Variants in SFSWAP observed in about 807,000 individuals in gnomAD.
The protein encoded by SFSWAP is splicing factor, suppressor of white-apricot homolog.
In SFSWAP, 17 loss-of-function variants were observed where a neutral mutation model predicts 100.7. The observed-to-expected ratio is 0.17, with a 90% CI of 0.12 to 0.25. The LOEUF (loss-of-function observed/expected upper bound fraction) is 0.25, where lower values mean the gene tolerates loss of function less well. Ranked by LOEUF, SFSWAP falls within the 10% of genes least tolerant of loss-of-function variation. The probability of loss-of-function intolerance (pLI) is 1.00; values close to 1 mark genes in which losing one functional copy is unlikely to be tolerated. For missense variants in SFSWAP, 1,005 were observed against 1,262.6 expected, an observed-to-expected ratio of 0.80 and a Z score of 3.09; for synonymous variants, 504 against 510.1, an observed-to-expected ratio of 0.99 and a Z score of 0.16.
intron 7 of SFSWAP, among the ~76,000 whole-genome samples, chr12:131,735,927 C>T (rs1029884187): frequency 6.6e-6 from 1 of 152,202 alleles, no homozygotes; most frequent in Non-Finnish European, 1.5e-5. Flanking sequence ...TCATCAAACA[C>T]ATAATTACAG....
rs1340061495 is a variant in SFSWAP at position 131,754,434 on chromosome 12, G to A, written c.1389G>A (p.Leu463=). The change falls in exon 9 of 18, where the codon CTG becomes CTA. Residue 463 remains leucine, a synonymous_variant. Transcript: ENST00000261674. ...PPDVQPVIDK[L]AEYVARNGLK... ...ACGTCCAGCCCGTGATTGACAAGCTGGCCGAGTATGTCGCCAGGAACGGCC... is the reference window on the plus strand; with the variant it reads ...ACGTCCAGCCCGTGATTGACAAGCTAGCCGAGTATGTCGCCAGGAACGGCC... 5.0e-6 allele frequency: 8 copies of A among 1,603,076 alleles called. No homozygotes were observed. Among genetic ancestry groups the A allele is most frequent in the Non-Finnish European group, 5.1e-6 (6 of 1,176,340 alleles).
Position 131,799,506 on chromosome 12 carries a change from CA to C in SFSWAP, c.*19del. The C allele has an allele frequency of 6.2e-7, 1 of 1,612,344 alleles. No individual in the cohort carries two copies. The highest frequency in any genetic ancestry group is 2.2e-5 in the East Asian group (1 of 44,852). On this transcript the variant is annotated 3_prime_UTR_variant, in exon 18 of 18. Transcript: ENST00000261674. ...CTTCCTGAGACGGGGCCAGCGGAGG[CA>C]GAGCCGGGAGGCTGCGTGGGCTTCT... is the stretch of plus-strand genomic sequence containing the variant.
At chr12:131,727,165 T>C in intron 6 of SFSWAP, 113 bp downstream of exon 6, 1 of 688,542 alleles carries the variant, frequency 1.5e-6, no homozygotes, top group Non-Finnish European at 2.5e-6. Flanking sequence ...TATCTTATTT[T>C]ATCATCATTG....
intron 15 of SFSWAP, chr12:131,796,271 C>T (rs1566065055): frequency 6.6e-6 from 1 of 152,288 alleles, no homozygotes; most frequent in Non-Finnish European, 1.5e-5. Context: ...CATGTTCACT[C>T]TCTTAGGTGT....
intron 5 of SFSWAP, among the ~76,000 whole-genome samples, chr12:131,726,166 G>A (rs1306396932): frequency 6.9e-6 from 1 of 144,902 alleles, no homozygotes; most frequent in African/African-American, 2.5e-5. Context: ...TCATATATAT[G>A]TATATATATA....
At chr12:131,721,655 T>G (rs948297293) in intron 4 of SFSWAP, among the ~76,000 whole-genome samples, 1 of 152,272 alleles carries the variant, frequency 6.6e-6, no homozygotes, top group African/African-American at 2.4e-5. Context: ...TGTGTTGCCT[T>G]AATTCCTATT....
At chr12:131,741,754 T>C (rs947001502) in intron 7 of SFSWAP, among the ~76,000 whole-genome samples, 4 of 152,150 alleles carry the variant, frequency 2.6e-5, no homozygotes, top group Admixed American at 2.6e-4. Flanking sequence ...CATTTGGTTA[T>C]GTTACCTTAT....
chr12:131,755,583 G>A (rs1882081549), intron 10 of SFSWAP, 104 bp downstream of exon 10: 4 of 756,696 alleles, frequency 5.3e-6, no homozygotes. Context: ...AAAGGGCTGG[G>A]TGATTCTTCA....
At chr12:131,772,883 G>A (rs1262339254) in intron 13 of SFSWAP, among the ~76,000 whole-genome samples, 3 of 152,208 alleles carry the variant, frequency 2.0e-5, no homozygotes, top group Admixed American at 6.5e-5. Context: ...AGCTGTGGAA[G>A]TGGCTCTCAG....
At chr12:131,792,093 C>T (rs993591683) in intron 15 of SFSWAP, among the ~76,000 whole-genome samples, 4 of 148,336 alleles carry the variant, frequency 2.7e-5, no homozygotes, top group South Asian at 2.1e-4. Flanking sequence ...ACTGTGTGTG[C>T]GCCCATGTGT....
rs562964746 is a variant in SFSWAP at position 131,727,076 on chromosome 12, T to A, written c.945+24T>A. On this transcript the variant is annotated intron_variant, in intron 6 of 17. Coordinates refer to ENST00000261674, the MANE Select transcript of SFSWAP (RefSeq NM_004592.4). ...AGGTTTTTATCTCATTGTTGAACTATATTTTTATGCCACCACAAAACTTCT... is the reference window on the plus strand; with the variant it reads ...AGGTTTTTATCTCATTGTTGAACTAAATTTTTATGCCACCACAAAACTTCT... The A allele has an allele frequency of 3.0e-6, 4 of 1,345,884 alleles. No individual in the cohort carries two copies. The South Asian group carries it at 4.9e-5, about 16-fold the overall frequency. 83.4% of individuals were successfully genotyped at this position (1,345,884 alleles called of 1,614,324 possible).
At chr12:131,755,282 T>C in intron 9 of SFSWAP, 104 bp from the exon 10 acceptor site, 1 of 778,280 alleles carries the variant, frequency 1.3e-6, no homozygotes, top group South Asian at 1.6e-5. Context: ...GTAACCACCT[T>C]GTGGGATTGT....
At chr12:131,760,501 A>G (rs1319814724) in intron 11 of SFSWAP, among the ~76,000 whole-genome samples, 1 of 152,240 alleles carries the variant, frequency 6.6e-6, no homozygotes, top group African/African-American at 2.4e-5. Flanking sequence ...ACAATGAGAC[A>G]GAGGCTGTGG....
chr12:131,755,141 C>A (rs1205176126), intron 9 of SFSWAP, among the ~76,000 whole-genome samples: 1 of 152,116 alleles, frequency 6.6e-6, no homozygotes, highest in Non-Finnish European at 1.5e-5. Context: ...CAAGCAATGT[C>A]CCACGCCTCA....
chr12:131,786,003 T>G (rs1884863417), intron 14 of SFSWAP: 1 of 154,250 alleles, frequency 6.5e-6, no homozygotes, highest in African/African-American at 2.4e-5. Flanking sequence ...TTTGATTGCC[T>G]TTTCTTACCT....
chr12:131,776,326 C>T (rs1022939411), intron 13 of SFSWAP, among the ~76,000 whole-genome samples: 6 of 152,086 alleles, frequency 3.9e-5, no homozygotes, highest in Admixed American at 2.0e-4. Flanking sequence ...TCTTGCCCGC[C>T]GCACACCCAC....
Position 131,753,154 on chromosome 12 carries a change from C to T in SFSWAP, c.1113C>T (p.Tyr371=), listed in dbSNP as rs1881812093. The change falls in exon 8 of 18, where the codon TAC becomes TAT. Residue 371 remains tyrosine, a synonymous_variant. Coordinates refer to ENST00000261674, the MANE Select transcript of SFSWAP (RefSeq NM_004592.4). ...STVAAMYYSY[Y]MLPDGTYCLA... ...TGGCAGCCATGTATTACAGCTACTACATGCTACCGGACGGCACTTACTGCC... is the reference window on the plus strand; with the variant it reads ...TGGCAGCCATGTATTACAGCTACTATATGCTACCGGACGGCACTTACTGCC... 6.2e-7 allele frequency: 1 copy of T among 1,614,192 alleles called. No individual in the cohort carries two copies. The highest frequency in any genetic ancestry group is 8.5e-7 in the Non-Finnish European group (1 of 1,180,022).
At position 131,778,480 on chromosome 12, in the gene SFSWAP, C is replaced by A; in HGVS notation, c.2408+150C>A. 2 of 1,247,844 alleles carry A rather than the reference C, an allele frequency of 1.6e-6. No individual in the cohort carries two copies. The highest frequency in any genetic ancestry group is 2.2e-6 in the Non-Finnish European group (2 of 917,808). 77.3% of individuals were successfully genotyped at this position (1,247,844 alleles called of 1,614,324 possible). A position where few individuals can be genotyped will look rare whatever the true frequency, so the allele number is the denominator to read the frequency against. ...CATGTGCATGTGTGCCCTGCAAGTC[C>A]AAGTAAGATCTTTTTCAGATTTTTG... On this transcript the variant is annotated intron_variant, in intron 14 of 17. Coordinates refer to ENST00000261674, the MANE Select transcript of SFSWAP (RefSeq NM_004592.4). This position sits in a 1 kb window ranked among gnomAD's most constrained non-coding sequence, Gnocchi z 4.2.
chr12:131,793,102 T>C (rs1885392338), intron 15 of SFSWAP, among the ~76,000 whole-genome samples: 2 of 152,136 alleles, frequency 1.3e-5, no homozygotes, highest in South Asian at 4.1e-4. Flanking sequence ...CTTTTTTTTT[T>C]TTGAGACAGG....
Sources: allele counts gnomAD v4.1 joint callset (sites outside exome capture counted in the v4.1 genomes callset), GRCh38; gene constraint gnomAD v4.1.1; non-coding constraint Gnocchi (gnomAD v3.1); transcripts MANE v1.5; gene names NCBI Gene and HGNC (gene_info 2026-07-23, HGNC 2026-07-21).